GRID2: variants seen among roughly 807,000 people sequenced by gnomAD.
The protein encoded by GRID2 is glutamate receptor ionotropic, delta-2.
In GRID2, 33 loss-of-function variants were observed where a neutral mutation model predicts 114.8. The ratio of observed to expected loss-of-function variants is 0.29; its 90% CI spans 0.22 to 0.38. The LOEUF (loss-of-function observed/expected upper bound fraction) is 0.38, where lower values mean the gene tolerates loss of function less well. Ranked by LOEUF, GRID2 falls within the 10% of genes least tolerant of loss-of-function variation. GRID2 has a pLI of 1.00. For missense variants in GRID2, 1,184 were observed against 1,257.7 expected (o/e 0.94, Z 0.89); for synonymous variants, 505 against 449.9 (o/e 1.12, Z -1.55).
At chr4:93,168,863 T>C (rs187573593) in intron 4 of GRID2, among the ~76,000 whole-genome samples, 1 of 152,272 alleles carries the variant, frequency 6.6e-6, no homozygotes, top group East Asian at 1.9e-4. Flanking sequence ...TGTGGTCCAT[T>C]TGTGCCCATG....
intron 2 of GRID2, among the ~76,000 whole-genome samples, chr4:92,758,114 A>G (rs1325298536): frequency 6.6e-6 from 1 of 152,090 alleles, no homozygotes; most frequent in South Asian, 2.1e-4. Flanking sequence ...ACATTTAAAC[A>G]TGGAGGTAGA....
At chr4:92,717,317 G>C (rs1735598858) in intron 2 of GRID2, among the ~76,000 whole-genome samples, 1 of 152,150 alleles carries the variant, frequency 6.6e-6, no homozygotes, top group South Asian at 2.1e-4. Context: ...GTATTTCAAA[G>C]GCAAGAATAA....
rs888444526 is a variant in GRID2 at position 93,156,355 on chromosome 4, T to C, written c.735+45402T>C. Among the ~76,000 whole-genome samples, 129 of 151,960 alleles carry C rather than the reference T, an allele frequency of 8.5e-4. 1 individual carries two copies. Among genetic ancestry groups the C allele is most frequent in the African/African-American group, 3.1e-3 (128 of 41,526 alleles). ...AAAGATTTTGTTAGCAAGAGAACTA[T>C]ATGATCTTGCTTTTTAGAAATATCT... On this transcript the variant is annotated intron_variant, in intron 4 of 15. Coordinates refer to ENST00000282020, the MANE Select transcript of GRID2 (RefSeq NM_001510.4).
intron 2 of GRID2, among the ~76,000 whole-genome samples, chr4:92,763,926 T>G (rs1738141017): frequency 6.6e-6 from 1 of 152,060 alleles, no homozygotes; most frequent in African/African-American, 2.4e-5. Flanking sequence ...AAGCATCACT[T>G]TGGTTGCTGG....
intron 8 of GRID2, among the ~76,000 whole-genome samples, chr4:93,380,897 C>A (rs778499415): frequency 6.6e-6 from 1 of 151,988 alleles, no homozygotes; most frequent in Non-Finnish European, 1.5e-5. Flanking sequence ...TTCTACATGG[C>A]GCTCACTGGG....
intron 1 of GRID2, among the ~76,000 whole-genome samples, chr4:92,357,076 A>G (rs1728364866): frequency 6.6e-6 from 1 of 151,804 alleles, no homozygotes; most frequent in African/African-American, 2.4e-5. Context: ...GGATTAGGGT[A>G]ATGGTGCCAG....
At chr4:93,038,564 G>T (rs1316217061) in intron 2 of GRID2, among the ~76,000 whole-genome samples, 1 of 152,154 alleles carries the variant, frequency 6.6e-6, no homozygotes, top group Admixed American at 6.6e-5. Context: ...GCCGAGGCGG[G>T]TGGATCATGA....
At position 92,652,922 on chromosome 4, in the gene GRID2, A is replaced by ATATAAATATATATAAACATATATT. The variant is rs1414757810; in HGVS notation, c.244+62658_244+62681dup. 6.7e-3 allele frequency among the ~76,000 whole-genome samples: 885 copies of ATATAAATATATATAAACATATATT among 131,410 alleles called. 26 individuals carry two copies. Among genetic ancestry groups the ATATAAATATATATAAACATATATT allele is most frequent in the African/African-American group, 0.021 (758 of 36,754 alleles). 86.2% of individuals were successfully genotyped at this position (131,410 alleles called of 152,430 possible). ...CATATAAATATATATTTATAAATAC[A>ATATAAATATATATAAACATATATT]TATAAATATATATAAACATATATTT... On this transcript the variant is annotated intron_variant, in intron 2 of 15. Transcript: ENST00000282020.
intron 14 of GRID2, among the ~76,000 whole-genome samples, chr4:93,643,727 A>T (rs1217203618): frequency 1.8e-5 from 1 of 54,396 alleles, no homozygotes; most frequent in African/African-American, 1.7e-4. Context: ...GCTGTCAGAC[A>T]GGGACACTTA....
intron 13 of GRID2, among the ~76,000 whole-genome samples, chr4:93,617,722 G>A (rs180760927): frequency 5.9e-5 from 9 of 152,170 alleles, no homozygotes; most frequent in Admixed American, 1.3e-4. Flanking sequence ...CAAGAAAACC[G>A]TTAATCCACA....
intron 2 of GRID2, among the ~76,000 whole-genome samples, chr4:93,060,660 A>G: frequency 6.6e-6 from 1 of 152,298 alleles, no homozygotes; most frequent in African/African-American, 2.4e-5. Flanking sequence ...ACTTTTCAAC[A>G]CATATATTTT....
intron 15 of GRID2, 40 bp from the exon 16 acceptor site, chr4:93,772,036 G>T: frequency 8.1e-7 from 1 of 1,240,036 alleles, no homozygotes. Context: ...ATCAAAGCTA[G>T]TACTGATGAG....
chr4:93,333,189 A>T (rs758971601), intron 8 of GRID2, among the ~76,000 whole-genome samples: 28 of 151,928 alleles, frequency 1.8e-4, no homozygotes, highest in Admixed American at 3.3e-4. Context: ...TTTTTAACTC[A>T]TTCTAGAGTA....
At chr4:93,416,910 C>T (rs1767770402) in intron 9 of GRID2, among the ~76,000 whole-genome samples, 1 of 152,010 alleles carries the variant, frequency 6.6e-6, no homozygotes, top group South Asian at 2.1e-4. Context: ...ATTGATAAAC[C>T]ACAGACATTC....
At chr4:92,581,211 T>TG (rs1450867003) in intron 1 of GRID2, among the ~76,000 whole-genome samples, 1 of 151,782 alleles carries the variant, frequency 6.6e-6, no homozygotes, top group African/African-American at 2.4e-5. Context: ...TTTTTTTTTT[T>TG]TTTAGAAATA....
chr4:92,585,515 A>G (rs1477736877), intron 1 of GRID2, among the ~76,000 whole-genome samples: 1 of 151,998 alleles, frequency 6.6e-6, no homozygotes, highest in Non-Finnish European at 1.5e-5. Context: ...TATGCTATTG[A>G]TTTGCAAGAG....
At chr4:92,615,599 T>C (rs1052775627) in intron 2 of GRID2, among the ~76,000 whole-genome samples, 9 of 151,646 alleles carry the variant, frequency 5.9e-5, no homozygotes, top group African/African-American at 1.4e-4. Context: ...TATAGGTGTT[T>C]AAATTATTTA....
At position 93,085,034 on chromosome 4, in the gene GRID2, G is replaced by C. The variant is rs764176100; in HGVS notation, c.284G>C (p.Ser95Thr). The C allele has an allele frequency of 1.2e-6, 2 of 1,614,074 alleles. No homozygotes were observed. The highest frequency in any genetic ancestry group is 1.7e-6 in the Non-Finnish European group (2 of 1,179,938). Residue 95 changes from serine (S) to threonine (T), a missense_variant, in exon 3 of 16, where the codon AGC becomes ACC. Ser to Thr is a moderately conservative substitution (Grantham distance 58, BLOSUM62 1). Coordinates refer to ENST00000282020, the MANE Select transcript of GRID2 (RefSeq NM_001510.4). Reference sequence around the variant, plus strand: ...AATCAAGGCATCTTGGCCCTGGTCAGCTCCATTGGCTGCACGTCAGCAGGA... The same window carrying C: ...AATCAAGGCATCTTGGCCCTGGTCACCTCCATTGGCTGCACGTCAGCAGGA... ...LMNQGILALV[S>T]SIGCTSAGSL...
intron 14 of GRID2, among the ~76,000 whole-genome samples, chr4:93,739,304 G>T (rs1028515786): frequency 4.0e-5 from 6 of 151,872 alleles, no homozygotes; most frequent in Non-Finnish European, 7.4e-5. Flanking sequence ...AACAATTTGG[G>T]TCCCGCCACA....
Sources: gnomAD v4.1 joint callset for allele counts (sites outside exome capture counted in the v4.1 genomes callset) on GRCh38, gnomAD v4.1.1 for gene constraint, MANE v1.5 for transcripts, NCBI Gene and HGNC (gene_info 2026-07-23, HGNC 2026-07-21) for gene names.